Variants in RALYL observed in about 807,000 individuals in gnomAD.
RALYL encodes RNA-binding Raly-like protein.
Under a neutral mutation model 35.1 loss-of-function variants are expected in RALYL, and 29 were observed. That is an observed-to-expected ratio of 0.83 (90% CI 0.61 to 1.13). RALYL has a LOEUF of 1.13. Among genes scored for constraint, RALYL ranks in the 50% most tolerant of loss-of-function variants. The pLI is 0.00. For missense variants in RALYL, 359 were observed against 360.4 expected (o/e 1.00, Z 0.03); for synonymous variants, 120 against 127.6 (o/e 0.94, Z 0.40).
At chr8:84,680,149 C>T (rs999075346) in intron 2 of RALYL, among the ~76,000 whole-genome samples, 3 of 152,042 alleles carry the variant, frequency 2.0e-5, no homozygotes, top group Admixed American at 6.6e-5. Context: ...TGGTTTTCAG[C>T]TTCATCCATG....
intron 2 of RALYL, among the ~76,000 whole-genome samples, chr8:84,540,844 T>C (rs1241927605): frequency 1.3e-5 from 2 of 151,978 alleles, no homozygotes; most frequent in Non-Finnish European, 2.9e-5. Context: ...CATTGAAAAG[T>C]ACTATTGAGA....
chr8:84,813,829 C>T (rs912919104), intron 4 of RALYL, among the ~76,000 whole-genome samples: 3 of 151,994 alleles, frequency 2.0e-5, no homozygotes, highest in Admixed American at 6.6e-5. Flanking sequence ...CATATGTATA[C>T]ATGTGCCATG....
At chr8:84,186,094 T>G (rs1393997694) in intron 1 of RALYL, among the ~76,000 whole-genome samples, 2 of 152,210 alleles carry the variant, frequency 1.3e-5, no homozygotes, top group East Asian at 3.8e-4. Flanking sequence ...TGTGAGTTAT[T>G]TTGTTCTCCG....
At chr8:84,354,997 T>A (rs1169255198) in intron 1 of RALYL, among the ~76,000 whole-genome samples, 1 of 150,374 alleles carries the variant, frequency 6.7e-6, no homozygotes. Context: ...ATCACAAATA[T>A]ACAACCAGGA....
intron 1 of RALYL, among the ~76,000 whole-genome samples, chr8:84,269,863 T>C (rs1258657733): frequency 6.6e-6 from 1 of 152,174 alleles, no homozygotes; most frequent in Non-Finnish European, 1.5e-5. Context: ...AGAAGTTTAG[T>C]TGAAACTCAT....
intron 1 of RALYL, among the ~76,000 whole-genome samples, chr8:84,433,804 T>G (rs982730893): frequency 5.0e-5 from 6 of 119,998 alleles, no homozygotes; most frequent in Admixed American, 2.6e-4. Context: ...TATGTGTGCA[T>G]GTATGTGTGC....
At chr8:84,711,984 A>G (rs1842261267) in intron 2 of RALYL, among the ~76,000 whole-genome samples, 1 of 152,158 alleles carries the variant, frequency 6.6e-6, no homozygotes, top group South Asian at 2.1e-4. Context: ...AATGTGATCT[A>G]GGTTTTAAAA....
chr8:84,261,076 A>G (rs959203226), intron 1 of RALYL, among the ~76,000 whole-genome samples: 3 of 148,298 alleles, frequency 2.0e-5, no homozygotes, highest in Non-Finnish European at 4.4e-5. Context: ...TTGTCCCACT[A>G]ACTTTGTGTA....
rs144046105 is a variant in RALYL at position 84,368,604 on chromosome 8, C to T, written c.-23-160695C>T. Among the ~76,000 whole-genome samples, 215 of 152,248 alleles carry T rather than the reference C, an allele frequency of 1.4e-3. 2 individuals carry two copies. Among genetic ancestry groups the T allele is most frequent in the African/African-American group, 4.9e-3 (205 of 41,550 alleles). ...CAATCATGGTGGAAGGTGAAAGGCACGTCTCACGTGGCAGCAGACAAGATA... is the reference window on the plus strand; with the variant it reads ...CAATCATGGTGGAAGGTGAAAGGCATGTCTCACGTGGCAGCAGACAAGATA... On this transcript the variant is annotated intron_variant, in intron 1 of 8. Coordinates refer to ENST00000521268, the MANE Select transcript of RALYL (RefSeq NM_173848.7).
intron 8 of RALYL, among the ~76,000 whole-genome samples, chr8:84,889,318 CCTT>C (rs968941024): frequency 2.0e-5 from 3 of 152,188 alleles, no homozygotes; most frequent in Non-Finnish European, 4.4e-5. Context: ...TGACTACACT[CCTT>C]GAGCTCTCTG....
intron 1 of RALYL, among the ~76,000 whole-genome samples, chr8:84,528,025 A>G (rs2059024858): frequency 6.6e-6 from 1 of 152,106 alleles, no homozygotes; most frequent in Non-Finnish European, 1.5e-5. Context: ...TAATAAGTAC[A>G]TTTTCAAGCA....
chr8:84,289,202 T>A, intron 1 of RALYL, among the ~76,000 whole-genome samples: 1 of 152,186 alleles, frequency 6.6e-6, no homozygotes, highest in Non-Finnish European at 1.5e-5. Flanking sequence ...TCTCCCTTGA[T>A]GTTTACATTT....
At chr8:84,452,251 T>C (rs2049569040) in intron 1 of RALYL, among the ~76,000 whole-genome samples, 3 of 150,852 alleles carry the variant, frequency 2.0e-5, no homozygotes, top group Non-Finnish European at 4.4e-5. Flanking sequence ...TTTTTTCCCC[T>C]AAGTTGCTAA....
intron 1 of RALYL, among the ~76,000 whole-genome samples, chr8:84,242,039 T>C (rs183239638): frequency 6.1e-4 from 93 of 152,234 alleles, no homozygotes; most frequent in Non-Finnish European, 1.1e-3. Flanking sequence ...GTGTGTGTTG[T>C]TCCCCCCATG....
At chr8:84,433,669 T>C (rs2047380420) in intron 1 of RALYL, among the ~76,000 whole-genome samples, 1 of 152,020 alleles carries the variant, frequency 6.6e-6, no homozygotes, top group Non-Finnish European at 1.5e-5. Flanking sequence ...ATGTAAGAAG[T>C]GGCTTTCACC....
At chr8:84,326,271 T>G (rs943868871) in intron 1 of RALYL, among the ~76,000 whole-genome samples, 4 of 152,210 alleles carry the variant, frequency 2.6e-5, no homozygotes, top group African/African-American at 9.6e-5. Flanking sequence ...TCCACTTATT[T>G]ATTCCTCTAA....
At chr8:84,814,284 T>TA (rs1826643949) in intron 4 of RALYL, among the ~76,000 whole-genome samples, 1 of 152,162 alleles carries the variant, frequency 6.6e-6, no homozygotes, top group Non-Finnish European at 1.5e-5. Context: ...GGCAGTGCTT[T>TA]GAGTTACATT....
At chr8:84,720,016 T>C (rs918872388) in intron 2 of RALYL, among the ~76,000 whole-genome samples, 1 of 152,164 alleles carries the variant, frequency 6.6e-6, no homozygotes, top group Non-Finnish European at 1.5e-5. Context: ...GATATCATAT[T>C]TGTCTTTCTG....
At chr8:84,311,090 A>AAAAATATATAT (rs1554614840) in intron 1 of RALYL, among the ~76,000 whole-genome samples, 4 of 99,770 alleles carry the variant, frequency 4.0e-5, no homozygotes, top group East Asian at 7.0e-4. Flanking sequence ...AAAAAAAAAA[A>AAAAATATATAT]ATGTATATTA....
Sources: allele counts gnomAD v4.1 joint callset (sites outside exome capture counted in the v4.1 genomes callset), GRCh38; gene constraint gnomAD v4.1.1; transcripts MANE v1.5; gene names NCBI Gene and HGNC (gene_info 2026-07-23, HGNC 2026-07-21).